The following UPRT variants were observed in gnomAD, a reference collection of about 807,000 sequenced individuals.
The protein encoded by UPRT is uracil phosphoribosyltransferase homolog.
In UPRT, 5 loss-of-function variants were observed where a neutral mutation model predicts 22.6. The ratio of observed to expected loss-of-function variants is 0.22; its 90% confidence interval spans 0.12 to 0.47. The LOEUF (loss-of-function observed/expected upper bound fraction) is 0.47, where lower values mean the gene tolerates loss of function less well. Among genes scored for constraint, UPRT ranks in the 20% least tolerant of loss-of-function variants. The pLI is 0.99. For synonymous variants in UPRT, 77 were observed against 87.7 expected (o/e 0.88, Z 0.68); for missense variants, 181 against 239.9 (o/e 0.75, Z 1.62).
chrX:75,261,851 G>A (rs1317660420), intron 4 of UPRT, among the ~76,000 whole-genome samples: 1 of 111,721 alleles, frequency 9.0e-6, no homozygotes, highest in Admixed American at 9.6e-5. Flanking sequence ...TCCCTGGGAT[G>A]CAAGGCTGGT....
In UPRT at chrX:75,299,613, A is replaced by G. The variant is rs147078352; in HGVS notation, c.563-122A>G. ...CAGAAATAAAAGCTGTCAGCTTCAA[A>G]ATAATTATTTTCATCTTCCTTCCTT... On this transcript the variant is annotated intron_variant, in intron 4 of 6. Coordinates refer to ENST00000373383, the MANE Select transcript of UPRT (RefSeq NM_145052.4). 444 of 774,773 alleles carry G rather than the reference A, an allele frequency of 5.7e-4. 1 individual carries two copies. In the African/African-American group the frequency reaches 7.6e-3, roughly 13 times the overall value. The allele number at this position is 774,773 out of a possible 1,213,427, so 63.8% of individuals were successfully genotyped here. A position where few individuals can be genotyped will look rare whatever the true frequency, so the allele number is the denominator to read the frequency against.
upstream of UPRT, among the ~76,000 whole-genome samples, chrX:75,269,113 T>C (rs984089371): frequency 2.7e-5 from 3 of 109,888 alleles, no homozygotes; most frequent in African/African-American, 6.7e-5. Flanking sequence ...TATACACCAA[T>C]AACAGACAGA....
At position 75,207,308 on chromosome X, in the gene UPRT, T is replaced by A. The variant is rs757135287; in HGVS notation, c.-447+39429T>A. ...ACAGGTAGTTCTGCCTGTTGAGAGG[T>A]AATTCTGCCTGTTGAGAGGTATTAT... On this transcript the variant is annotated intron_variant, in intron 4 of 13. Coordinates refer to the UPRT transcript ENST00000652605. Among the ~76,000 whole-genome samples the A allele has an allele frequency of 2.7e-5, 3 of 112,187 alleles. No homozygotes were observed. The South Asian group carries it at 1.1e-3, about 42-fold the overall frequency.
At chrX:75,266,270 C>T (rs1344866197) in intron 4 of UPRT, among the ~76,000 whole-genome samples, 1 of 110,846 alleles carries the variant, frequency 9.0e-6, no homozygotes. Context: ...GAACAGAGCC[C>T]TCAGAAATAA....
chrX:75,296,463 A>G (rs1370925909), intron 3 of UPRT, 52 bp downstream of exon 3: 1 of 1,038,425 alleles, frequency 9.6e-7, no homozygotes, highest in African/African-American at 1.9e-5. Flanking sequence ...CTGAGCTAGA[A>G]TGGGGAAAGA....
chrX:75,247,564 G>C (rs1239997518), intron 4 of UPRT, among the ~76,000 whole-genome samples: 2 of 112,340 alleles, frequency 1.8e-5, no homozygotes, highest in Non-Finnish European at 3.8e-5. Context: ...GGCTTGACTA[G>C]GTAAACAAAG....
At chrX:75,262,219 C>A (rs1445569119) in intron 4 of UPRT, among the ~76,000 whole-genome samples, 1 of 111,549 alleles carries the variant, frequency 9.0e-6, no homozygotes, top group Non-Finnish European at 1.9e-5. Context: ...AAATCCTTTA[C>A]AGACAAGCAA....
intron 4 of UPRT, among the ~76,000 whole-genome samples, chrX:75,239,726 C>A (rs181291940): frequency 9.0e-6 from 1 of 111,230 alleles, no homozygotes; most frequent in Non-Finnish European, 1.9e-5. Flanking sequence ...ATGAATTCAA[C>A]ACGATACCAC....
At chrX:75,176,617 A>G (rs777671288) in intron 4 of UPRT, among the ~76,000 whole-genome samples, 1 of 110,453 alleles carries the variant, frequency 9.1e-6, no homozygotes, top group South Asian at 4.0e-4. Context: ...TTTTTTGTGG[A>G]CCTTTGGAGA....
At chrX:75,233,594 G>A in intron 4 of UPRT, among the ~76,000 whole-genome samples, 1 of 111,193 alleles carries the variant, frequency 9.0e-6, no homozygotes, top group Non-Finnish European at 1.9e-5. Context: ...TCTCTCAGCA[G>A]AAACTCTACA....
intron 4 of UPRT, among the ~76,000 whole-genome samples, chrX:75,219,315 G>T (rs2082403215): frequency 8.9e-6 from 1 of 112,013 alleles, no homozygotes; most frequent in South Asian, 3.7e-4. Context: ...AATTTCCCCA[G>T]TATGAAATAT....
intron 4 of UPRT, among the ~76,000 whole-genome samples, chrX:75,192,943 C>A (rs181512951): frequency 2.1e-3 from 237 of 111,769 alleles, no homozygotes; most frequent in Non-Finnish European, 3.1e-3. Flanking sequence ...TTATTTGATG[C>A]ATTAAGCCCA....
At chrX:75,243,306 A>AT (rs1414946426) in intron 4 of UPRT, among the ~76,000 whole-genome samples, 1 of 111,367 alleles carries the variant, frequency 9.0e-6, no homozygotes, top group Non-Finnish European at 1.9e-5. Context: ...CTTGACCAGT[A>AT]TTTTTTAACT....
chrX:75,225,673 T>C (rs998020366), intron 4 of UPRT, among the ~76,000 whole-genome samples: 1 of 111,686 alleles, frequency 9.0e-6, no homozygotes, highest in African/African-American at 3.3e-5. Flanking sequence ...GCTTTAAGTG[T>C]TTTGTTTTTT....
intron 4 of UPRT, among the ~76,000 whole-genome samples, chrX:75,267,571 A>G (rs2082594438): frequency 8.9e-6 from 1 of 112,077 alleles, no homozygotes; most frequent in South Asian, 3.7e-4. Context: ...AACTTAAAGT[A>G]TAAAAAAAAG....
chrX:75,288,176 A>C (rs965130558), intron 1 of UPRT, among the ~76,000 whole-genome samples: 1 of 111,409 alleles, frequency 9.0e-6, no homozygotes, highest in Non-Finnish European at 1.9e-5. Flanking sequence ...AAATTGAATA[A>C]GTAGTGAAAA....
intron 1 of UPRT, among the ~76,000 whole-genome samples, chrX:75,160,167 C>A (rs981167240): frequency 9.0e-6 from 1 of 111,614 alleles, no homozygotes; most frequent in African/African-American, 3.3e-5. Context: ...CTGTTTTATT[C>A]TTTTATGTTA....
At chrX:75,257,156 A>T (rs779544983) in intron 4 of UPRT, among the ~76,000 whole-genome samples, 3 of 112,222 alleles carry the variant, frequency 2.7e-5, no homozygotes, top group Non-Finnish European at 3.8e-5. Flanking sequence ...AACATATCAA[A>T]AAGATCATCC....
At chrX:75,199,341 AG>A in intron 4 of UPRT, among the ~76,000 whole-genome samples, 1 of 111,576 alleles carries the variant, frequency 9.0e-6, no homozygotes, top group Admixed American at 9.5e-5. Context: ...ATATCCAAGT[AG>A]GGTAAGCCAT....
Sources: allele counts gnomAD v4.1 joint callset (sites outside exome capture counted in the v4.1 genomes callset), GRCh38; gene constraint gnomAD v4.1.1; transcripts MANE v1.5; gene names NCBI Gene and HGNC (gene_info 2026-07-23, HGNC 2026-07-21).